The following CDK14 variants were observed in gnomAD, a reference collection of about 807,000 sequenced individuals.
CDK14 encodes the protein cyclin-dependent kinase 14.
CDK14 carries 34 observed loss-of-function variants against 60.7 expected under a neutral mutation model. The observed-to-expected ratio is 0.56, with a 90% CI of 0.43 to 0.75. CDK14 has a LOEUF of 0.75. Ranked by LOEUF, CDK14 falls within the 30% of genes least tolerant of loss-of-function variation. The pLI, the probability that CDK14 is intolerant of heterozygous loss-of-function variation, is 0.00. For synonymous variants in CDK14, 197 were observed against 203.7 expected, an observed-to-expected ratio of 0.97 and a Z score of 0.28; for missense variants, 482 against 564.1, an observed-to-expected ratio of 0.85 and a Z score of 1.47.
intron 5 of CDK14, among the ~76,000 whole-genome samples, chr7:90,809,840 A>G (rs933208491): frequency 1.3e-5 from 2 of 152,234 alleles, no homozygotes; most frequent in African/African-American, 4.8e-5. Flanking sequence ...TACTATGAAC[A>G]CCTCTATGCA....
At chr7:90,969,319 A>G (rs1342446735) in intron 9 of CDK14, among the ~76,000 whole-genome samples, 1 of 152,218 alleles carries the variant, frequency 6.6e-6, no homozygotes, top group Non-Finnish European at 1.5e-5. Flanking sequence ...GGAACTAAAT[A>G]TATCAACTTA....
chr7:90,850,251 A>G (rs992459644), intron 5 of CDK14, among the ~76,000 whole-genome samples: 1 of 152,182 alleles, frequency 6.6e-6, no homozygotes, highest in Non-Finnish European at 1.5e-5. Flanking sequence ...GCAATGCTAG[A>G]TACTGTGCTC....
At chr7:90,613,691 A>C (rs555083213) in intron 2 of CDK14, among the ~76,000 whole-genome samples, 14 of 151,730 alleles carry the variant, frequency 9.2e-5, no homozygotes, top group Admixed American at 8.5e-4. Flanking sequence ...TGTCTCAAAA[A>C]TAAAAAAAAA....
At chr7:90,767,908 T>C (rs1804629470) in intron 4 of CDK14, among the ~76,000 whole-genome samples, 1 of 152,254 alleles carries the variant, frequency 6.6e-6, no homozygotes, top group Admixed American at 6.5e-5. Flanking sequence ...GGGGAGACAT[T>C]GATTCTCTCA....
At chr7:90,856,648 A>G (rs927277454) in intron 5 of CDK14, among the ~76,000 whole-genome samples, 1 of 152,192 alleles carries the variant, frequency 6.6e-6, no homozygotes, top group African/African-American at 2.4e-5. Context: ...TGTGCATGCA[A>G]TTTTTAAGTC....
chr7:91,044,511 G>A (rs1247057795), intron 10 of CDK14, among the ~76,000 whole-genome samples: 2 of 152,156 alleles, frequency 1.3e-5, no homozygotes, highest in African/African-American at 4.8e-5. Flanking sequence ...GTTTCTGCTG[G>A]TCAGCTGTGC....
intron 11 of CDK14, among the ~76,000 whole-genome samples, chr7:91,048,162 C>T (rs1038778657): frequency 6.6e-6 from 1 of 152,132 alleles, no homozygotes; most frequent in Non-Finnish European, 1.5e-5. Flanking sequence ...TGCCAACTTC[C>T]CCTGAACCAC....
intron 8 of CDK14, among the ~76,000 whole-genome samples, chr7:90,920,990 T>C (rs76641353): frequency 0.011 from 1,600 of 152,296 alleles, 26 homozygotes; most frequent in African/African-American, 0.035. Context: ...CTGAGCCTTA[T>C]TTTCTATATG....
chr7:90,890,436 T>C (rs1487524939), intron 6 of CDK14, among the ~76,000 whole-genome samples: 1 of 152,210 alleles, frequency 6.6e-6, no homozygotes, highest in Non-Finnish European at 1.5e-5. Context: ...TGATATATAA[T>C]GTACAGTGGG....
intron 2 of CDK14, chr7:90,726,164 A>G (rs1802625917): frequency 1.1e-5 from 2 of 184,370 alleles, no homozygotes; most frequent in Admixed American, 6.5e-5. Flanking sequence ...ACGATGACCC[A>G]TCAGTTAATG....
At chr7:90,610,624 C>T (rs1029975245) in intron 2 of CDK14, among the ~76,000 whole-genome samples, 3 of 152,194 alleles carry the variant, frequency 2.0e-5, no homozygotes, top group African/African-American at 7.2e-5. Flanking sequence ...TTGGTTCTTT[C>T]AGAGGACTGT....
chr7:90,960,003 C>G (rs1192806249), intron 9 of CDK14, among the ~76,000 whole-genome samples: 1 of 152,042 alleles, frequency 6.6e-6, no homozygotes, highest in African/African-American at 2.4e-5. Context: ...TGCTAAGCTT[C>G]TAAACCAAAA....
chr7:90,857,659 A>G (rs920612718), intron 5 of CDK14, among the ~76,000 whole-genome samples: 4 of 152,226 alleles, frequency 2.6e-5, no homozygotes, highest in Non-Finnish European at 4.4e-5. Flanking sequence ...TCTTGTGTTT[A>G]TGATATTATT....
rs149112190 is a variant in CDK14 at position 90,867,680 on chromosome 7, G to A, written c.639+4411G>A. Among the ~76,000 whole-genome samples the A allele has an allele frequency of 5.3e-3, 799 of 152,128 alleles. 3 individuals carry two copies. The highest frequency in any genetic ancestry group is 0.01 in the Middle Eastern group (3 of 294). On this transcript the variant is annotated intron_variant, in intron 6 of 14. Transcript: ENST00000380050. Reference sequence around the variant, plus strand: ...AAAGTTTCAGGTTTTTTTTGGAGGGGGGTGGATACAAGATGGATGATAAAA... The same window carrying A: ...AAAGTTTCAGGTTTTTTTTGGAGGGAGGTGGATACAAGATGGATGATAAAA...
At chr7:90,616,441 T>C (rs1268280759) in intron 2 of CDK14, among the ~76,000 whole-genome samples, 3 of 152,208 alleles carry the variant, frequency 2.0e-5, no homozygotes, top group African/African-American at 7.2e-5. Flanking sequence ...GTCAATATGA[T>C]GGAGAATGTC....
intron 9 of CDK14, among the ~76,000 whole-genome samples, chr7:90,974,505 C>T (rs181114280): frequency 6.6e-6 from 1 of 152,282 alleles, no homozygotes; most frequent in Non-Finnish European, 1.5e-5. Context: ...GCCAGTCCCT[C>T]TGTTCTGGGT....
At chr7:91,164,088 AG>A (rs1222640059) in intron 14 of CDK14, among the ~76,000 whole-genome samples, 2 of 152,210 alleles carry the variant, frequency 1.3e-5, no homozygotes, top group African/African-American at 2.4e-5. Context: ...GATGCTTGAC[AG>A]GGCACGTAGC....
rs202024103 is a variant in CDK14, at chr7:90,809,717, C to T, written c.544+19065C>T. Among the ~76,000 whole-genome samples, 272 of 152,000 alleles carry T rather than the reference C, an allele frequency of 1.8e-3. 1 individual carries two copies. Among genetic ancestry groups the T allele is most frequent in the Non-Finnish European group, 3.0e-3 (204 of 67,978 alleles). On this transcript the variant is annotated intron_variant, in intron 5 of 14. Coordinates refer to ENST00000380050, the MANE Select transcript of CDK14 (RefSeq NM_001287135.2). The stretch of plus-strand genomic sequence containing the variant: ...GAAAAGATCAACAAAATTGATAGAC[C>T]GCTAGTAAGACTAATAAAGAAGAAA...
chr7:91,026,560 C>T (rs1251839933), intron 10 of CDK14, among the ~76,000 whole-genome samples: 1 of 152,136 alleles, frequency 6.6e-6, no homozygotes, highest in Non-Finnish European at 1.5e-5. Flanking sequence ...GGGTAAAATT[C>T]TCCATCAAAG....
Sources: gnomAD v4.1 joint callset for allele counts (sites outside exome capture counted in the v4.1 genomes callset) on GRCh38, gnomAD v4.1.1 for gene constraint, MANE v1.5 for transcripts, NCBI Gene and HGNC (gene_info 2026-07-23, HGNC 2026-07-21) for gene names.